Variants in TEX15 observed in about 807,000 individuals in gnomAD.
TEX15 encodes testis expressed 15, meiosis and synapsis associated, also known as testis-expressed protein 15.
TEX15 carries 171 observed loss-of-function variants against 237.3 expected under a neutral mutation model. The observed-to-expected ratio is 0.72, with a 90% CI of 0.64 to 0.82. The LOEUF (loss-of-function observed/expected upper bound fraction) is 0.82. Ranked by LOEUF, TEX15 falls within the 40% of genes least tolerant of loss-of-function variation. TEX15 has a pLI of 0.00. For synonymous variants in TEX15, 1,338 were observed against 1,269.8 expected (o/e 1.05, Z -1.14); for missense variants, 3,750 against 3,646.5 (o/e 1.03, Z -0.73).
At chr8:30,880,824 T>C (rs1277614050) in intron 3 of TEX15, among the ~76,000 whole-genome samples, 4 of 152,276 alleles carry the variant, frequency 2.6e-5, no homozygotes, top group Admixed American at 2.6e-4. Flanking sequence ...TCAGTGCCCC[T>C]AACCCCTGGG....
At chr8:30,888,581 G>A in intron 2 of TEX15, 1 of 1,270,768 alleles carries the variant, frequency 7.9e-7, no homozygotes, top group Non-Finnish European at 1.0e-6. Context: ...GATTTCAAAA[G>A]AAAGCTATGG....
chr8:30,873,444 T>C (rs959739487), intron 4 of TEX15, among the ~76,000 whole-genome samples: 2 of 152,038 alleles, frequency 1.3e-5, no homozygotes, highest in Non-Finnish European at 2.9e-5. Flanking sequence ...ATATGCTGAG[T>C]TTTTGGTAGA....
intron 2 of TEX15, among the ~76,000 whole-genome samples, chr8:30,895,718 G>C (rs1182940154): frequency 9.4e-6 from 1 of 106,192 alleles, no homozygotes; most frequent in African/African-American, 3.9e-5. Context: ...GTCTCACTGT[G>C]TCCCCAGGCT....
rs199929655 is a variant in TEX15, at chr8:30,846,198, A to C, written c.3969T>G (p.Ile1323Met). ...TGGTTAGCCTCCTCTTTCTCCCATA[A>C]ATTTTATGTCGTCTTAAATCTTTAT... ...IPHKDLRRHKIYGRKRRLTSQ... is the reference protein window; with the variant it reads ...IPHKDLRRHKMYGRKRRLTSQ... The change falls in exon 8 of 11, where the codon ATT becomes ATG. Residue 1323 changes from isoleucine to methionine, a missense_variant. By Grantham distance (10) the Ile-to-Met change is conservative. Transcript: ENST00000643185. The C allele has an allele frequency of 3.7e-6, 6 of 1,613,128 alleles. No individual in the cohort carries two copies. Among genetic ancestry groups the C allele is most frequent in the Non-Finnish European group, 5.1e-6 (6 of 1,179,580 alleles).
intron 7 of TEX15, among the ~76,000 whole-genome samples, chr8:30,854,056 T>C (rs1330156477): frequency 6.6e-6 from 1 of 151,664 alleles, no homozygotes; most frequent in Admixed American, 6.6e-5. Flanking sequence ...GAAGAAATAT[T>C]TGAAATCAAA....
In TEX15 at chr8:30,833,057, T is replaced by A. The variant is rs2128765377; in HGVS notation, c.*229A>T. On this transcript the variant is annotated 3_prime_UTR_variant, in exon 11 of 11. Transcript: ENST00000643185. ...CACTATTGCTTAACTTTGATCATAT[T>A]ACCCTCCCCTTATAATTGCATGGAA... 1 of 388,142 alleles carries A rather than the reference T, an allele frequency of 2.6e-6. No individual in the cohort carries two copies. The highest frequency in any genetic ancestry group is 4.5e-5 in the Admixed American group (1 of 22,470). 24.0% of individuals were successfully genotyped at this position (388,142 alleles called of 1,614,324 possible).
Position 30,842,462 on chromosome 8 carries a change from C to T in TEX15, c.7705G>A (p.Val2569Met). 6.2e-7 allele frequency: 1 copy of T among 1,613,256 alleles called. No homozygotes were observed. The highest frequency in any genetic ancestry group is 8.5e-7 in the Non-Finnish European group (1 of 1,179,704). Residue 2569 changes from valine to methionine, a missense_variant, in exon 8 of 11, where the codon GTG becomes ATG. Val to Met is a conservative substitution (Grantham distance 21, BLOSUM62 1). Coordinates refer to ENST00000643185, the MANE Select transcript of TEX15 (RefSeq NM_001350162.2). ...TAATTTATGGATGCTATATATGGCA[C>T]AAAGTCAATATATGTGGAAATAAAA... ...KYFISTYIDF[V>M]PYIASINYGS...
intron 8 of TEX15, among the ~76,000 whole-genome samples, chr8:30,840,902 CTTAAT>C (rs1368657967): frequency 2.6e-5 from 4 of 152,050 alleles, no homozygotes; most frequent in Non-Finnish European, 5.9e-5. Flanking sequence ...TTGTTCCAGA[CTTAAT>C]TTAAAAATTA....
intron 10 of TEX15, among the ~76,000 whole-genome samples, chr8:30,834,022 T>C (rs946172702): frequency 6.6e-6 from 1 of 152,132 alleles, no homozygotes; most frequent in African/African-American, 2.4e-5. Flanking sequence ...CAATCAAGAT[T>C]TCCTATCTCA....
Position 30,849,196 on chromosome 8 carries a change from A to C in TEX15, c.971T>G (p.Leu324Ter). Residue 324 changes from leucine to a stop codon, truncating the protein, a stop_gained, in exon 8 of 11, where the codon TTA becomes TGA. Transcript: ENST00000643185. LOFTEE classifies it high-confidence loss of function. ...PVDPFVQENC[L>*]CNALNSEINP... The stretch of plus-strand genomic sequence containing the variant: ...TATCTCTGAATTTAGTGCATTGCAT[A>C]AACAGTTTTCTTGAACAAATGGATC... 1 of 1,537,884 alleles carries C rather than the reference A, an allele frequency of 6.5e-7. No individual in the cohort carries two copies. The highest frequency in any genetic ancestry group is 8.7e-7 in the Non-Finnish European group (1 of 1,147,016).
rs144490667 is a variant in TEX15, at chr8:30,843,694, C to T, written c.6473G>A (p.Arg2158Lys). The stretch of plus-strand genomic sequence containing the variant: ...GAATACATAGTATGAATTCTTTTCC[C>T]TTTTTGTTTCTTCAAGCAATTCAAC... ...QLVELLEETK[R>K]EKNSYYVFLK... Residue 2158 changes from arginine (R) to lysine (K), a missense_variant, in exon 8 of 11, where the codon AGG becomes AAG. Arg to Lys is a conservative substitution (Grantham distance 26). Coordinates refer to ENST00000643185, the MANE Select transcript of TEX15 (RefSeq NM_001350162.2). The T allele has an allele frequency of 6.2e-7, 1 of 1,612,212 alleles. No individual in the cohort carries two copies. Among genetic ancestry groups the T allele is most frequent in the Non-Finnish European group, 8.5e-7 (1 of 1,179,294 alleles).
chr8:30,887,625 T>A (rs1563271317), intron 2 of TEX15: 1 of 165,124 alleles, frequency 6.1e-6, no homozygotes, highest in South Asian at 1.8e-4. Context: ...ATGGTGAAAC[T>A]CCGTCTCTAC....
rs1807520583 is a variant in TEX15 at position 30,843,760 on chromosome 8, T to C, written c.6407A>G (p.Tyr2136Cys). 2.5e-6 allele frequency: 4 copies of C among 1,613,386 alleles called. No individual in the cohort carries two copies. Among genetic ancestry groups the C allele is most frequent in the South Asian group, 1.1e-5 (1 of 90,990 alleles). The change falls in exon 8 of 11, where the codon TAT (tyrosine) becomes TGT (cysteine). Residue 2136 changes from tyrosine to cysteine, a missense_variant. Transcript: ENST00000643185. ...AGTCTGTAACTCACAGAATGCATTA[T>C]ATTTTAATCTTCCTTGGAAACCAGG... ...FYPGFQGRLK[Y>C]NAFCELQTYH...
chr8:30,899,537 G>A (rs1455165026), intron 1 of TEX15, among the ~76,000 whole-genome samples: 6 of 152,218 alleles, frequency 3.9e-5, no homozygotes, highest in South Asian at 2.1e-4. Flanking sequence ...TGCAACCTCC[G>A]CTGCCTGGGT....
intron 3 of TEX15, among the ~76,000 whole-genome samples, chr8:30,877,973 C>G (rs1808434787): frequency 1.3e-5 from 2 of 152,116 alleles, no homozygotes; most frequent in South Asian, 4.1e-4. Context: ...CTCTCCCACA[C>G]CCCCATTCTC....
At chr8:30,880,457 T>C (rs896623657) in intron 3 of TEX15, among the ~76,000 whole-genome samples, 1 of 152,212 alleles carries the variant, frequency 6.6e-6, no homozygotes, top group African/African-American at 2.4e-5. Context: ...TACTTGGATT[T>C]TCTTCCACCT....
rs759339569 is a variant in TEX15, at chr8:30,847,621, A to G, written c.2546T>C (p.Ile849Thr). The G allele has an allele frequency of 3.4e-5, 55 of 1,613,344 alleles. No individual in the cohort carries two copies. The highest frequency in any genetic ancestry group is 5.3e-5 in the African/African-American group (4 of 74,870). The part of the protein sequence containing the change: ...LFCNSQLSND[I>T]WLNVNFKKQT... ...TTTTTTGAAATTAACATTCAGCCAT[A>G]TATCATTGCTTAACTGTGAATTACA... The change falls in exon 8 of 11, where the codon ATA becomes ACA. Residue 849 changes from isoleucine to threonine, a missense_variant. Transcript: ENST00000643185.
In TEX15 at chr8:30,844,609, G is replaced by A; in HGVS notation, c.5558C>T (p.Ala1853Val). Residue 1853 changes from alanine (A) to valine (V), a missense_variant, in exon 8 of 11, where the codon GCA (alanine) becomes GTA (valine). Ala to Val is a moderately conservative substitution (Grantham distance 64, BLOSUM62 0). Coordinates refer to ENST00000643185, the MANE Select transcript of TEX15 (RefSeq NM_001350162.2). ...ITWKVKQAEK[A>V]KDSVYKRSMT... The stretch of plus-strand genomic sequence containing the variant: ...GCTTCTTTTGTAAACAGAATCTTTT[G>A]CTTTTTCCGCTTGTTTAACTTTCCA... The A allele has an allele frequency of 6.2e-7, 1 of 1,613,162 alleles. No individual in the cohort carries two copies.
In TEX15 at chr8:30,842,627, C is replaced by T. The variant is rs137916859; in HGVS notation, c.7540G>A (p.Ala2514Thr). 1.7e-4 allele frequency: 281 copies of T among 1,611,604 alleles called. No homozygotes were observed. The African/African-American group carries it at 2.5e-3, about 14-fold the overall frequency. ...AGATCTTTCTTAAGTTCGGAAACAG[C>T]AGTCTCTATCACTTTCCAAAGGCAA... Reference protein sequence around the residue: ...DVCLWKVIETAVSELKKDLDI... With the variant: ...DVCLWKVIETTVSELKKDLDI... Residue 2514 changes from alanine to threonine, a missense_variant, in exon 8 of 11, where the codon GCT (alanine) becomes ACT (threonine). Physicochemically the swap from Ala to Thr is moderately conservative, Grantham distance 58. Coordinates refer to ENST00000643185, the MANE Select transcript of TEX15 (RefSeq NM_001350162.2).
Sources: allele counts gnomAD v4.1 joint callset (sites outside exome capture counted in the v4.1 genomes callset), GRCh38; gene constraint gnomAD v4.1.1; transcripts MANE v1.5; gene names NCBI Gene and HGNC (gene_info 2026-07-23, HGNC 2026-07-21).